Variants in TMEM120B observed in about 807,000 individuals in gnomAD.
TMEM120B encodes transmembrane protein 120B.
In TMEM120B, 31 loss-of-function variants were observed where a neutral mutation model predicts 55.5. The observed-to-expected ratio is 0.56, with a 90% CI of 0.42 to 0.75. The LOEUF is 0.75. TMEM120B is among the 30% of genes least tolerant of loss of function. The probability of loss-of-function intolerance (pLI) is 0.00; values close to 1 mark genes in which losing one functional copy is unlikely to be tolerated. For synonymous variants in TMEM120B, 203 were observed against 176.3 expected, an observed-to-expected ratio of 1.15 and a Z score of -1.20; for missense variants, 399 against 425.5, an observed-to-expected ratio of 0.94 and a Z score of 0.55.
chr12:121,762,196 C>G (rs1391637362), intron 6 of TMEM120B, among the ~76,000 whole-genome samples: 3 of 151,594 alleles, frequency 2.0e-5, no homozygotes, highest in Non-Finnish European at 2.9e-5. Context: ...TAGCGTGAAC[C>G]CAGGAGGCAG....
chr12:121,721,876 T>G (rs1026756681), intron 1 of TMEM120B, among the ~76,000 whole-genome samples: 14 of 145,424 alleles, frequency 9.6e-5, no homozygotes, highest in African/African-American at 3.3e-4. Context: ...TGGCTCAATC[T>G]TAGCTCATTG....
intron 1 of TMEM120B, among the ~76,000 whole-genome samples, chr12:121,740,930 C>G (rs1223275732): frequency 2.0e-5 from 3 of 152,144 alleles, no homozygotes; most frequent in Non-Finnish European, 4.4e-5. Flanking sequence ...CATATGGTCT[C>G]TGTCACAACT....
intron 2 of TMEM120B, among the ~76,000 whole-genome samples, chr12:121,747,278 G>A (rs908175567): frequency 2.1e-5 from 3 of 143,248 alleles, no homozygotes; most frequent in South Asian, 2.3e-4. Context: ...GGCTGGGGTA[G>A]AAGGCGGGAG....
At chr12:121,762,806 G>A (rs986846459) in intron 6 of TMEM120B, among the ~76,000 whole-genome samples, 4 of 152,290 alleles carry the variant, frequency 2.6e-5, no homozygotes, top group Admixed American at 6.5e-5. Flanking sequence ...GACAGAGGCC[G>A]GGCTAGGAGT....
chr12:121,753,347 T>C (rs57611711), intron 5 of TMEM120B, among the ~76,000 whole-genome samples: 13,321 of 152,126 alleles, frequency 0.088, 1,057 homozygotes, highest in African/African-American at 0.21. Context: ...TACAAGGTTT[T>C]TTTTTAGAGT....
chr12:121,721,805 T>C (rs1336821692), intron 1 of TMEM120B, among the ~76,000 whole-genome samples: 1 of 74,776 alleles, frequency 1.3e-5, no homozygotes, highest in South Asian at 4.4e-4. Flanking sequence ...TCAGTTCTAC[T>C]TTTTTTTTTT....
At chr12:121,754,517 G>A (rs776296603) in intron 5 of TMEM120B, among the ~76,000 whole-genome samples, 1 of 152,168 alleles carries the variant, frequency 6.6e-6, no homozygotes, top group African/African-American at 2.4e-5. Flanking sequence ...GGGCCATGCC[G>A]CTCCACAGGC....
intron 1 of TMEM120B, among the ~76,000 whole-genome samples, chr12:121,740,757 A>G (rs764917962): frequency 6.6e-6 from 1 of 152,148 alleles, no homozygotes; most frequent in Non-Finnish European, 1.5e-5. Flanking sequence ...TAATTGTACT[A>G]TGGATATTTG....
In TMEM120B at chr12:121,748,402, G is replaced by A. The variant is rs771304173; in HGVS notation, c.265G>A (p.Val89Ile). Residue 89 changes from valine (V) to isoleucine (I), a missense_variant, in exon 3 of 12, where the codon GTC (valine) becomes ATC (isoleucine). Physicochemically the swap from Val to Ile is conservative, Grantham distance 29. Around this residue, in one of 3 missense-constraint regions of TMEM120B, gnomAD observed 133 missense variants for 104.1 expected, o/e 1.28. Coordinates refer to ENST00000449592, the MANE Select transcript of TMEM120B (RefSeq NM_001080825.2). ...MAANIKERQD[V>I]FFDMEAYLPK... ...AGCGAACATCAAGGAGCGGCAGGAC[G>A]TCTTCTTCGACATGGAGGCCTACCT... 30 of 1,610,656 alleles carry A rather than the reference G, an allele frequency of 1.9e-5. No homozygotes were observed. Among genetic ancestry groups the A allele is most frequent in the East Asian group, 1.3e-4 (6 of 44,840 alleles).
chr12:121,769,170 A>G (rs1165735598), intron 6 of TMEM120B, among the ~76,000 whole-genome samples: 1 of 151,546 alleles, frequency 6.6e-6, no homozygotes, highest in East Asian at 1.9e-4. Flanking sequence ...GGCAAAAAAA[A>G]AAACCCCAAA....
chr12:121,764,609 G>T (rs1873787022), intron 6 of TMEM120B, among the ~76,000 whole-genome samples: 1 of 152,180 alleles, frequency 6.6e-6, no homozygotes, highest in South Asian at 2.1e-4. Context: ...AGCCCAGGAG[G>T]TTGAGGCCAC....
intron 1 of TMEM120B, among the ~76,000 whole-genome samples, chr12:121,733,485 C>T (rs1895042047): frequency 6.6e-6 from 1 of 150,828 alleles, no homozygotes; most frequent in African/African-American, 2.4e-5. Flanking sequence ...ACCTCATGAT[C>T]CGCCCGCCTC....
In TMEM120B at chr12:121,758,061, G is replaced by A. The variant is rs535080586; in HGVS notation, c.462-3588G>A. 3.2e-5 allele frequency: 19 copies of A among 596,796 alleles called. No individual in the cohort carries two copies. The East Asian group carries it at 1.8e-3, about 58-fold the overall frequency. 37.0% of individuals were successfully genotyped at this position (596,796 alleles called of 1,614,324 possible). On this transcript the variant is annotated intron_variant, in intron 5 of 11. Transcript: ENST00000449592. ...TTGAGCCCAGGAGATTAAGGCTACA[G>A]TGGGCCATGATCACGTCACTGCACT... is the stretch of plus-strand genomic sequence containing the variant.
In TMEM120B at chr12:121,717,864, G is replaced by T. The variant is rs370601162; in HGVS notation, c.69+4900G>T. The stretch of plus-strand genomic sequence containing the variant: ...GTAGAGACAGGGTTTCACTATGTTG[G>T]CCAGGCTGGTCTCGAATTCCTGACC... On this transcript the variant is annotated intron_variant, in intron 1 of 11. Transcript: ENST00000449592. Among the ~76,000 whole-genome samples the T allele has an allele frequency of 1.1e-4, 16 of 152,170 alleles. No individual in the cohort carries two copies. In the South Asian group the frequency reaches 3.3e-3, roughly 32 times the overall value.
At chr12:121,726,627 G>C (rs1894900202) in intron 1 of TMEM120B, among the ~76,000 whole-genome samples, 1 of 151,232 alleles carries the variant, frequency 6.6e-6, no homozygotes, top group African/African-American at 2.4e-5. Flanking sequence ...CAGGCCAGGT[G>C]CAGGGGCTCA....
chr12:121,729,321 C>A (rs1306518917), intron 1 of TMEM120B, among the ~76,000 whole-genome samples: 1 of 152,188 alleles, frequency 6.6e-6, no homozygotes, highest in African/African-American at 2.4e-5. Context: ...GCTGGAGACA[C>A]CCTGATGTGC....
intron 6 of TMEM120B, among the ~76,000 whole-genome samples, chr12:121,762,638 T>TC (rs1873717592): frequency 6.6e-6 from 1 of 152,162 alleles, no homozygotes; most frequent in Admixed American, 6.6e-5. Context: ...GAGGAATGGT[T>TC]CCTCAGAGGA....
At chr12:121,755,815 T>C (rs910739910) in intron 5 of TMEM120B, among the ~76,000 whole-genome samples, 2 of 152,112 alleles carry the variant, frequency 1.3e-5, no homozygotes, top group Non-Finnish European at 2.9e-5. Flanking sequence ...GGAGCTGGGG[T>C]ATTTATCCAC....
At chr12:121,774,815 C>A in intron 10 of TMEM120B, 93 bp downstream of exon 10, 1 of 1,458,162 alleles carries the variant, frequency 6.9e-7, no homozygotes. Flanking sequence ...TCCATCCGTC[C>A]CCATGCTGGG....
Sources: gnomAD v4.1 joint callset for allele counts (sites outside exome capture counted in the v4.1 genomes callset) on GRCh38, gnomAD v4.1.1 for gene constraint, gnomAD v4.1.1 regional missense constraint, MANE v1.5 for transcripts, NCBI Gene and HGNC (gene_info 2026-07-23, HGNC 2026-07-21) for gene names.